NAV3: variants seen among roughly 807,000 people sequenced by gnomAD.
The protein encoded by NAV3 is neuron navigator 3.
In NAV3, 87 loss-of-function variants were observed where a neutral mutation model predicts 244.7. The ratio of observed to expected loss-of-function variants is 0.36; its 90% CI spans 0.30 to 0.42. The LOEUF (loss-of-function observed/expected upper bound fraction) is 0.42. NAV3 is among the 20% of genes least tolerant of loss of function. The pLI is 1.00. For synonymous variants in NAV3, 1,126 were observed against 1,042.2 expected, an observed-to-expected ratio of 1.08 and a Z score of -1.55; for missense variants, 2,663 against 2,893.3, an observed-to-expected ratio of 0.92 and a Z score of 1.83.
At chr12:77,599,939 GAAT>G (rs1870347072) in intron 2 of NAV3, among the ~76,000 whole-genome samples, 14 of 151,934 alleles carry the variant, frequency 9.2e-5, no homozygotes, top group African/African-American at 2.9e-4. Flanking sequence ...CTCACACTGT[GAAT>G]AGAAAGTCAA....
In NAV3 at chr12:77,863,799, G is replaced by C. The variant is rs185261311; in HGVS notation, c.243+32095G>C. Among the ~76,000 whole-genome samples the C allele has an allele frequency of 2.0e-5, 3 of 151,932 alleles. No homozygotes were observed. The East Asian group carries it at 5.8e-4, about 29-fold the overall frequency. ...TACTCTGAGAATAAGATAATCCTTT[G>C]AAAGGTAGGGAAATCTAGAGTTAAG... On this transcript the variant is annotated intron_variant, in intron 1 of 39. Coordinates refer to ENST00000397909, the MANE Select transcript of NAV3 (RefSeq NM_001024383.2).
At chr12:77,702,432 T>G (rs1875603716) in intron 2 of NAV3, among the ~76,000 whole-genome samples, 1 of 152,046 alleles carries the variant, frequency 6.6e-6, no homozygotes, top group African/African-American at 2.4e-5. Context: ...TGGAGTATAT[T>G]AAAATATTTA....
At chr12:77,706,667 G>A (rs1004540007) in intron 2 of NAV3, among the ~76,000 whole-genome samples, 1 of 150,538 alleles carries the variant, frequency 6.6e-6, no homozygotes, top group Non-Finnish European at 1.5e-5. Flanking sequence ...TCAGGAGATC[G>A]AGACCATCCT....
chr12:78,056,612 T>C (rs11108047), intron 11 of NAV3, among the ~76,000 whole-genome samples: 1,595 of 152,012 alleles, frequency 0.01, 27 homozygotes, highest in African/African-American at 0.036. Context: ...ACCAGTAATC[T>C]CAGCTACTTG....
intron 24 of NAV3, among the ~76,000 whole-genome samples, chr12:78,172,465 G>C (rs1958043951): frequency 6.6e-6 from 1 of 151,594 alleles, no homozygotes; most frequent in African/African-American, 2.4e-5. Flanking sequence ...TGGGAGAGCA[G>C]AAGGTAAAGG....
chr12:77,613,942 T>G lies in NAV3; in HGVS notation c.72+41676T>G, dbSNP rs184579911. Among the ~76,000 whole-genome samples, 58 of 152,176 alleles carry G rather than the reference T, an allele frequency of 3.8e-4. 1 individual carries two copies. Among genetic ancestry groups the G allele is most frequent in the Admixed American group, 3.8e-3 (58 of 15,274 alleles). On this transcript the variant is annotated intron_variant, in intron 2 of 8. Coordinates refer to the NAV3 transcript ENST00000550042. ...AGTTTTCTCTTCTGCCTGCTGGGCT[T>G]CCCCCTATAACATGAAGTGTATGAT...
At chr12:77,722,416 T>G (rs774709409) in intron 2 of NAV3, among the ~76,000 whole-genome samples, 1 of 152,058 alleles carries the variant, frequency 6.6e-6, no homozygotes, top group African/African-American at 2.4e-5. Flanking sequence ...CTTGTTGATA[T>G]TGTGTGTGGT....
At chr12:77,908,984 G>C (rs144789203) in intron 1 of NAV3, among the ~76,000 whole-genome samples, 1 of 152,028 alleles carries the variant, frequency 6.6e-6, no homozygotes, top group African/African-American at 2.4e-5. Flanking sequence ...TTCATTTGTC[G>C]TTTCACCCTG....
rs138215417 is a variant in NAV3 at position 77,597,321 on chromosome 12, G to A, written c.72+25055G>A. Among the ~76,000 whole-genome samples the A allele has an allele frequency of 6.6e-3, 998 of 152,162 alleles. 14 individuals are homozygous for A. The highest frequency in any genetic ancestry group is 0.023 in the African/African-American group (939 of 41,544). ...GGCCTCTAATCAGTATTACTCATATGATGTGAAATGACTTGCTTCTAGGCC... is the reference window on the plus strand; with the variant it reads ...GGCCTCTAATCAGTATTACTCATATAATGTGAAATGACTTGCTTCTAGGCC... On this transcript the variant is annotated intron_variant, in intron 2 of 8. Transcript: ENST00000550042.
At chr12:77,851,295 C>A (rs969358019) in intron 1 of NAV3, among the ~76,000 whole-genome samples, 8 of 152,144 alleles carry the variant, frequency 5.3e-5, no homozygotes, top group African/African-American at 1.9e-4. Flanking sequence ...TTTAGAAATA[C>A]CCCTTCTGAA....
At chr12:77,986,516 G>A (rs1386070974) in intron 5 of NAV3, among the ~76,000 whole-genome samples, 4 of 152,076 alleles carry the variant, frequency 2.6e-5, no homozygotes, top group South Asian at 2.1e-4. Flanking sequence ...AGCTAAAGTC[G>A]ATACATTATA....
chr12:77,640,240 AGAGAGAGAGAGG>A (rs1465530258), intron 2 of NAV3, among the ~76,000 whole-genome samples: 1 of 151,432 alleles, frequency 6.6e-6, no homozygotes, highest in Non-Finnish European at 1.5e-5. Context: ...GACATACAGC[AGAGAGAGAGAGG>A]GAGAGAGAGA....
chr12:78,053,545 C>T (rs544149452), intron 11 of NAV3, among the ~76,000 whole-genome samples: 7 of 152,078 alleles, frequency 4.6e-5, no homozygotes, highest in South Asian at 4.2e-4. Context: ...TAACTAAGGC[C>T]GGAATGAAGC....
chr12:78,167,177 T>C (rs922767756), intron 23 of NAV3, among the ~76,000 whole-genome samples: 1 of 151,784 alleles, frequency 6.6e-6, no homozygotes, highest in African/African-American at 2.4e-5. Flanking sequence ...ATATAAAAAT[T>C]GGAGAGACTG....
At chr12:77,747,319 A>T (rs1271026010) in intron 2 of NAV3, among the ~76,000 whole-genome samples, 1 of 152,192 alleles carries the variant, frequency 6.6e-6, no homozygotes, top group Non-Finnish European at 1.5e-5. Flanking sequence ...AATGCAAATC[A>T]AAACCACAAT....
At chr12:78,071,173 T>C (rs1161597193) in intron 12 of NAV3, among the ~76,000 whole-genome samples, 4 of 152,182 alleles carry the variant, frequency 2.6e-5, no homozygotes, top group African/African-American at 2.4e-5. Flanking sequence ...CCACCAACAG[T>C]GTAAAAGTGT....
intron 5 of NAV3, among the ~76,000 whole-genome samples, chr12:77,981,940 G>A (rs1166828107): frequency 6.6e-6 from 1 of 152,066 alleles, no homozygotes; most frequent in Non-Finnish European, 1.5e-5. Flanking sequence ...ATATGTTTAT[G>A]TGACTCCAAG....
intron 33 of NAV3, among the ~76,000 whole-genome samples, chr12:78,189,387 T>A (rs1018236700): frequency 2.0e-4 from 31 of 151,952 alleles, no homozygotes; most frequent in Admixed American, 1.6e-3. Context: ...ATGATGAAGG[T>A]AATTGAGTTC....
intron 2 of NAV3, among the ~76,000 whole-genome samples, chr12:77,769,472 T>C (rs1248333452): frequency 6.6e-6 from 1 of 152,208 alleles, no homozygotes; most frequent in Non-Finnish European, 1.5e-5. Context: ...TTGATCTGTT[T>C]TGTAAAGTTG....
Sources: allele counts gnomAD v4.1 joint callset (sites outside exome capture counted in the v4.1 genomes callset), GRCh38; gene constraint gnomAD v4.1.1; transcripts MANE v1.5; gene names NCBI Gene and HGNC (gene_info 2026-07-23, HGNC 2026-07-21).